Variants in INTS11 observed in about 807,000 individuals in gnomAD.
The protein encoded by INTS11 is CPSF3-like protein.
A neutral mutation model predicts 78.6 loss-of-function variants in INTS11; 77 were observed. The ratio of observed to expected loss-of-function variants is 0.98; its 90% CI spans 0.81 to 1.18. The LOEUF (loss-of-function observed/expected upper bound fraction) is 1.18. Among genes scored for constraint, INTS11 ranks in the 50% most tolerant of loss-of-function variants. The pLI is 0.00. For missense variants in INTS11, 875 were observed against 825.9 expected (o/e 1.06, Z -0.73); for synonymous variants, 441 against 326.9 (o/e 1.35, Z -3.77).
chr1:1,320,612 C>T, intron 2 of INTS11, 83 bp from the exon 3 acceptor site: 3 of 1,375,868 alleles, frequency 2.2e-6, no homozygotes, highest in Non-Finnish European at 3.1e-6. Flanking sequence ...GAGGGGCCCC[C>T]AGGAAGGGGG....
At chr1:1,322,434 C>T (rs1326965431) in intron 1 of INTS11, among the ~76,000 whole-genome samples, 8 of 147,046 alleles carry the variant, frequency 5.4e-5, no homozygotes, top group Admixed American at 2.8e-4. Flanking sequence ...GCACGCCAGA[C>T]GAAGGTTACT....
In INTS11 at chr1:1,311,715, G is replaced by A. The variant is rs1642172490; in HGVS notation, c.*144C>T. 7.2e-6 allele frequency: 6 copies of A among 838,724 alleles called. No individual in the cohort carries two copies. The highest frequency in any genetic ancestry group is 2.6e-5 in the East Asian group (1 of 38,246). The allele number at this position is 838,724 out of a possible 1,614,324, so 52.0% of individuals were successfully genotyped here. On this transcript the variant is annotated 3_prime_UTR_variant, in exon 17 of 17. Transcript: ENST00000435064. ...TCTTCAGCTGCAAACAGCTGCCTGG[G>A]CAGGCAGGTGACACAAGGCCTCTGT...
chr1:1,312,549 C>T (rs749195375), intron 13 of INTS11, 44 bp downstream of exon 13: 19 of 1,578,784 alleles, frequency 1.2e-5, no homozygotes, highest in African/African-American at 2.7e-5. Flanking sequence ...CGCTCCCAGC[C>T]GCCTGCCCCG....
In INTS11 at chr1:1,312,378, A is replaced by G. The variant is rs1156347651; in HGVS notation, c.1465-10T>C. On this transcript the variant is annotated splice_polypyrimidine_tract_variant and intron_variant, in intron 14 of 16. Transcript: ENST00000435064. ...ACACCAGCCGGAAGTTCTGTGGGGC[A>G]GGGACAGGTCAGTGAGCGCAGCAGC... The G allele has an allele frequency of 1.3e-6, 2 of 1,567,538 alleles. No homozygotes were observed. Among genetic ancestry groups the G allele is most frequent in the Non-Finnish European group, 1.7e-6 (2 of 1,155,700 alleles).
In INTS11 at chr1:1,313,687, A is replaced by G. The variant is rs1642390765; in HGVS notation, c.957+45T>C. On this transcript the variant is annotated intron_variant, in intron 9 of 16. Coordinates refer to ENST00000435064, the MANE Select transcript of INTS11 (RefSeq NM_017871.6). ...CCCAGACACCTGCGGAAGACAGGAGACCGACGGGTGTGGATGTGCTGGCCG... is the reference window on the plus strand; with the variant it reads ...CCCAGACACCTGCGGAAGACAGGAGGCCGACGGGTGTGGATGTGCTGGCCG... 3.1e-6 allele frequency: 5 copies of G among 1,609,840 alleles called. No homozygotes were observed. In the South Asian group the frequency reaches 4.4e-5, roughly 14 times the overall value.
chr1:1,315,289 C>T (rs577516267), intron 6 of INTS11, 115 bp downstream of exon 6: 1 of 1,314,950 alleles, frequency 7.6e-7, no homozygotes, highest in South Asian at 1.2e-5. Context: ...CCAGGCCGCA[C>T]AGGACATGGG....
At position 1,312,963 on chromosome 1, in the gene INTS11, G is replaced by A. The variant is rs374450749; in HGVS notation, c.1132-14C>T. On this transcript the variant is annotated splice_polypyrimidine_tract_variant and intron_variant, in intron 11 of 16. Coordinates refer to ENST00000435064, the MANE Select transcript of INTS11 (RefSeq NM_017871.6). ...CTTGACCTCCAGCTACAGAGGCCAC[G>A]GGGCGTGGACAGTGGTTACCACCAG... 2.6e-5 allele frequency: 42 copies of A among 1,611,394 alleles called. No individual in the cohort carries two copies. The African/African-American group carries it at 3.5e-4, about 13-fold the overall frequency.
chr1:1,312,419 A>G, intron 14 of INTS11, 21 bp downstream of exon 14: 4 of 1,565,438 alleles, frequency 2.6e-6, no homozygotes, highest in Non-Finnish European at 3.5e-6. Context: ...TCCCCCCTCC[A>G]GAGACCGTCC....
chr1:1,322,417 A>C (rs1570744119), intron 1 of INTS11, among the ~76,000 whole-genome samples: 1 of 148,490 alleles, frequency 6.7e-6, no homozygotes, highest in African/African-American at 2.5e-5. Flanking sequence ...CAAACAAGAC[A>C]CCCAAAGCAC....
At chr1:1,323,568 C>A (rs1405932513) in intron 1 of INTS11, among the ~76,000 whole-genome samples, 1 of 150,956 alleles carries the variant, frequency 6.6e-6, no homozygotes, top group Non-Finnish European at 1.5e-5. Flanking sequence ...CCACGCCCTG[C>A]CAATTTTAGC....
chr1:1,322,635 C>T (rs986841827), intron 1 of INTS11: 61 of 121,576 alleles, frequency 5.0e-4, no homozygotes, highest in Non-Finnish European at 6.6e-4. Context: ...GGAGGACAGG[C>T]AGCAGGGAGG....
Position 1,313,215 on chromosome 1 carries a change from G to C in INTS11, c.1042-91C>G. ...GATGCCCCCGCCTGAACCCCTGGAA[G>C]CTGTTTCCACCTGCCAGCGGCGCCC... On this transcript the variant is annotated intron_variant, in intron 10 of 16. Transcript: ENST00000435064. The C allele has an allele frequency of 2.2e-5, 32 of 1,430,820 alleles. No individual in the cohort carries two copies. In the South Asian group the frequency reaches 3.2e-4, roughly 14 times the overall value. 88.6% of individuals were successfully genotyped at this position (1,430,820 alleles called of 1,614,324 possible).
At position 1,321,069 on chromosome 1, in the gene INTS11, C is replaced by T; in HGVS notation, c.53G>A (p.Ser18Asn). Reference protein sequence around the residue: ...PLGAGQDVGRSCILVSIAGKN... With the variant: ...PLGAGQDVGRNCILVSIAGKN... The stretch of plus-strand genomic sequence containing the variant: ...GCCCGCAATGGAGACCAGGATGCAG[C>T]TTCGGCCCACGTCCTGGCCGGCCCC... Residue 18 changes from serine (S) to asparagine (N), a missense_variant, in exon 2 of 17, where the codon AGC becomes AAC. Physicochemically the swap from Ser to Asn is conservative, Grantham distance 46. Transcript: ENST00000435064. 6.2e-7 allele frequency: 1 copy of T among 1,612,378 alleles called. No individual in the cohort carries two copies. Among genetic ancestry groups the T allele is most frequent in the Non-Finnish European group, 8.5e-7 (1 of 1,179,478 alleles).
At chr1:1,322,536 A>AGGGGAGGGGAGGGGTAGGGTG (rs1643007132) in intron 1 of INTS11, among the ~76,000 whole-genome samples, 1 of 28,654 alleles carries the variant, frequency 3.5e-5, no homozygotes, top group Non-Finnish European at 7.0e-5. Flanking sequence ...ACTTTTGAGC[A>AGGGGAGGGGAGGGGTAGGGTG]GGGGAGGGGA....
rs112429499 is a variant in INTS11, at chr1:1,314,559, TGA to T, written c.703-196_703-195del. On this transcript the variant is annotated intron_variant, in intron 7 of 16. Coordinates refer to ENST00000435064, the MANE Select transcript of INTS11 (RefSeq NM_017871.6). This position sits in a 1 kb window ranked among gnomAD's most constrained non-coding sequence, Gnocchi z 4.2. ...GTATGAGAGACAGGAGGGAGCCGCATGAGAGACAGAAGGGAGCTGCATGAGAG... is the reference window on the plus strand; with the variant it reads ...GTATGAGAGACAGGAGGGAGCCGCATGAGACAGAAGGGAGCTGCATGAGAG... 4.7e-6 allele frequency: 3 copies of T among 634,216 alleles called. No homozygotes were observed. The highest frequency in any genetic ancestry group is 1.8e-5 in the African/African-American group (1 of 54,112). The allele number at this position is 634,216 out of a possible 1,614,324, so 39.3% of individuals were successfully genotyped here. A position where few individuals can be genotyped will look rare whatever the true frequency, so the allele number is the denominator to read the frequency against.
In INTS11 at chr1:1,313,606, A is replaced by G. The variant is rs1279055043; in HGVS notation, c.958-14T>C. The G allele has an allele frequency of 1.9e-6, 3 of 1,612,708 alleles. No homozygotes were observed. The highest frequency in any genetic ancestry group is 2.5e-6 in the Non-Finnish European group (3 of 1,179,966). On this transcript the variant is annotated splice_polypyrimidine_tract_variant and intron_variant, in intron 9 of 16. Coordinates refer to ENST00000435064, the MANE Select transcript of INTS11 (RefSeq NM_017871.6). ...GGCAAACACAACCTACAGGACACAC[A>G]GGGCCAGGTGGGGGGTCAGGGCAGC... is the stretch of plus-strand genomic sequence containing the variant.
In INTS11 at chr1:1,315,447, C is replaced by T. The variant is rs200423613; in HGVS notation, c.529-9G>A. On this transcript the variant is annotated splice_polypyrimidine_tract_variant and intron_variant, in intron 5 of 16. Coordinates refer to ENST00000435064, the MANE Select transcript of INTS11 (RefSeq NM_017871.6). ...GTCATGTTATAATCACCCTGGTGAACGATCAAGGATGCCATGAGGAGGGTG... is the reference window on the plus strand; with the variant it reads ...GTCATGTTATAATCACCCTGGTGAATGATCAAGGATGCCATGAGGAGGGTG... The T allele has an allele frequency of 2.1e-4, 332 of 1,613,124 alleles. 1 individual carries two copies. The highest frequency in any genetic ancestry group is 1.5e-3 in the East Asian group (65 of 44,818).
rs189491393 is a variant in INTS11 at position 1,315,896 on chromosome 1, A to T, written c.430-278T>A. Among the ~76,000 whole-genome samples the T allele has an allele frequency of 1.6e-4, 25 of 152,150 alleles. 1 individual carries two copies. Among genetic ancestry groups the T allele is most frequent in the Admixed American group, 1.5e-3 (23 of 15,286 alleles). ...CTGAGCTTTTCAGTCCCTGTTGCTC[A>T]CACACAGCATCCAGTTCACAAGGGA... On this transcript the variant is annotated intron_variant, in intron 4 of 16. Transcript: ENST00000435064.
At chr1:1,317,438 A>C in intron 4 of INTS11, 1 of 973,208 alleles carries the variant, frequency 1.0e-6, no homozygotes, top group Non-Finnish European at 1.2e-6. Context: ...GATGAATTTA[A>C]CACCATATGA....
Sources: gnomAD v4.1 joint callset for allele counts (sites outside exome capture counted in the v4.1 genomes callset) on GRCh38, gnomAD v4.1.1 for gene constraint, Gnocchi (gnomAD v3.1) non-coding constraint, MANE v1.5 for transcripts, NCBI Gene and HGNC (gene_info 2026-07-23, HGNC 2026-07-21) for gene names.